Variants in PALD1 observed in about 807,000 individuals in gnomAD.
The protein encoded by PALD1 is paladin.
A neutral mutation model predicts 96.0 loss-of-function variants in PALD1; 57 were observed. The observed-to-expected ratio is 0.59, with a 90% CI of 0.48 to 0.74. The LOEUF is 0.74. Among genes scored for constraint, PALD1 ranks in the 30% least tolerant of loss-of-function variants. The pLI, the probability that PALD1 is intolerant of heterozygous loss-of-function variation, is 0.00. For synonymous variants in PALD1, 464 were observed against 473.6 expected (o/e 0.98, Z 0.26); for missense variants, 1,063 against 1,143.7 (o/e 0.93, Z 1.02).
chr10:70,547,160 C>G (rs1015148439), intron 17 of PALD1, 146 bp from the exon 18 acceptor site: 3 of 714,926 alleles, frequency 4.2e-6, no homozygotes, highest in African/African-American at 3.5e-5. Flanking sequence ...CTCCCTCAGT[C>G]TGAGAACTGA....
rs1290552179 is a variant in PALD1, at chr10:70,547,341, G to A, written c.2157G>A (p.Gly719=). 2 of 1,613,300 alleles carry A rather than the reference G, an allele frequency of 1.2e-6. No individual in the cohort carries two copies. The highest frequency in any genetic ancestry group is 1.7e-5 in the Admixed American group (1 of 60,010). ...AGGTGGTGCAGCTGCTACCCGATGG[G>A]CACCGTGTGAAGAAGGAGGTGGACG... ...VMKVVQLLPD[G]HRVKKEVDAA... is the part of the protein sequence containing the mutation. Residue 719 remains glycine, a synonymous_variant, in exon 18 of 20, where the codon GGG becomes GGA. Coordinates refer to ENST00000263563, the MANE Select transcript of PALD1 (RefSeq NM_014431.3).
chr10:70,483,698 A>G (rs1186253004), intron 1 of PALD1, among the ~76,000 whole-genome samples: 1 of 152,188 alleles, frequency 6.6e-6, no homozygotes, highest in Non-Finnish European at 1.5e-5. Flanking sequence ...GAGGCCTGGG[A>G]CGCTGGGACA....
intron 18 of PALD1, among the ~76,000 whole-genome samples, chr10:70,549,425 A>G (rs1847433666): frequency 6.6e-6 from 1 of 152,210 alleles, no homozygotes; most frequent in African/African-American, 2.4e-5. Flanking sequence ...CCTGAAGCTG[A>G]TAGGCCCCCC....
chr10:70,495,243 A>G (rs946339410), intron 1 of PALD1, among the ~76,000 whole-genome samples: 2 of 152,106 alleles, frequency 1.3e-5, no homozygotes, highest in Non-Finnish European at 2.9e-5. Context: ...TTCCTTCCCT[A>G]TCTTTCTCAT....
chr10:70,542,748 G>A (rs910860392), intron 17 of PALD1, among the ~76,000 whole-genome samples: 3 of 152,152 alleles, frequency 2.0e-5, no homozygotes, highest in Admixed American at 1.3e-4. Flanking sequence ...CATAGTGCAC[G>A]TAGCTGAGTC....
intron 18 of PALD1, among the ~76,000 whole-genome samples, chr10:70,550,696 C>A (rs1170536332): frequency 6.6e-6 from 1 of 152,188 alleles, no homozygotes; most frequent in Non-Finnish European, 1.5e-5. Flanking sequence ...CATGGTCTGG[C>A]CATTTCGTAT....
Position 70,539,086 on chromosome 10 carries a change from GC to G in PALD1, c.1570-3del. The G allele has an allele frequency of 6.2e-7, 1 of 1,613,832 alleles. No individual in the cohort carries two copies. The highest frequency in any genetic ancestry group is 8.5e-7 in the Non-Finnish European group (1 of 1,179,870). Reference sequence around the variant, plus strand: ...GAGCACTCACTGCCGGCCCTCCTGTGCCCAGGCCCTGGGGAGCATCCTGGCC... The same window carrying G: ...GAGCACTCACTGCCGGCCCTCCTGTGCCAGGCCCTGGGGAGCATCCTGGCC... On this transcript the variant is annotated splice_polypyrimidine_tract_variant and splice_region_variant and intron_variant, in intron 13 of 19. Transcript: ENST00000263563. This position sits in a 1 kb window ranked among gnomAD's most constrained non-coding sequence, Gnocchi z 4.5.
At position 70,540,536 on chromosome 10, in the gene PALD1, G is replaced by A. The variant is rs73270898; in HGVS notation, c.1909-566G>A. ...TGGCGTGTGTTGTAGGTGAGCCACCGTGTGCGTGGTGCGTGTGTTGTAGGT... is the reference window on the plus strand; with the variant it reads ...TGGCGTGTGTTGTAGGTGAGCCACCATGTGCGTGGTGCGTGTGTTGTAGGT... On this transcript the variant is annotated intron_variant, in intron 15 of 19. Transcript: ENST00000263563. The surrounding 1 kb of genome is among the most constrained non-coding windows in gnomAD (Gnocchi z 4.2). Among the ~76,000 whole-genome samples, 553 of 152,074 alleles carry A rather than the reference G, an allele frequency of 3.6e-3. 5 individuals carry two copies. Among genetic ancestry groups the A allele is most frequent in the African/African-American group, 0.012 (513 of 41,448 alleles).
intron 1 of PALD1, among the ~76,000 whole-genome samples, chr10:70,521,849 G>A (rs10999371): frequency 6.7e-6 from 1 of 149,844 alleles, no homozygotes; most frequent in Admixed American, 6.7e-5. Context: ...CTTTTTTTTT[G>A]TGCCAAGGAC....
intron 1 of PALD1, among the ~76,000 whole-genome samples, chr10:70,507,400 G>A (rs79783110): frequency 0.17 from 25,839 of 152,076 alleles, 2,829 homozygotes; most frequent in East Asian, 0.29. Context: ...CTACAAGAGC[G>A]AAACTCTGTC....
chr10:70,519,373 T>C (rs1180401059), intron 1 of PALD1, among the ~76,000 whole-genome samples: 1 of 152,192 alleles, frequency 6.6e-6, no homozygotes, highest in Non-Finnish European at 1.5e-5. Flanking sequence ...ATTCATTATC[T>C]GATACAGGCC....
At chr10:70,497,789 A>T (rs915304845) in intron 1 of PALD1, among the ~76,000 whole-genome samples, 1 of 151,908 alleles carries the variant, frequency 6.6e-6, no homozygotes, top group Non-Finnish European at 1.5e-5. Context: ...GTTAACCAGG[A>T]TGGTCTTGAT....
upstream of PALD1, among the ~76,000 whole-genome samples, chr10:70,476,904 TGTA>T (rs1377948436): frequency 0.026 from 2 of 78 alleles, no homozygotes; most frequent in South Asian, 0.25. Flanking sequence ...TTTGTATGTG[TGTA>T]TTATGTGCAT....
In PALD1 at chr10:70,541,102, G is replaced by A. The variant is rs762730349; in HGVS notation, c.1909G>A (p.Asp637Asn). The A allele has an allele frequency of 2.5e-6, 4 of 1,597,776 alleles. No individual in the cohort carries two copies. The highest frequency in any genetic ancestry group is 2.3e-5 in the South Asian group (2 of 88,856). ...CCCAGACCTTGCTTTTCTCGTCCAG[G>A]ACTTTGACCAGCTGCTGGAGGCCCT... ...MPDFCAPREE[D>N]FDQLLEALRA... The change falls in exon 16 of 20, where the codon GAC (aspartate) becomes AAC (asparagine). Residue 637 changes from aspartate to asparagine, a missense_variant and splice_region_variant. Coordinates refer to ENST00000263563, the MANE Select transcript of PALD1 (RefSeq NM_014431.3).
At chr10:70,522,231 C>T (rs929528373) in intron 1 of PALD1, among the ~76,000 whole-genome samples, 2 of 152,158 alleles carry the variant, frequency 1.3e-5, no homozygotes, top group Non-Finnish European at 2.9e-5. Context: ...TTGCAAATCC[C>T]ACTTTGCAAA....
intron 18 of PALD1, among the ~76,000 whole-genome samples, chr10:70,556,249 G>A (rs559102591): frequency 1.3e-4 from 20 of 149,218 alleles, no homozygotes; most frequent in South Asian, 8.5e-4. Flanking sequence ...GCTTTTGTGT[G>A]TGTAGGGCAC....
At chr10:70,566,557 C>T (rs1184443460) in intron 19 of PALD1, 24 bp from the exon 20 acceptor site, 2 of 1,583,858 alleles carry the variant, frequency 1.3e-6, no homozygotes, top group African/African-American at 1.3e-5. Context: ...TGAAACACTG[C>T]TCCTGCCTCT....
At chr10:70,466,023 C>G in the PALD1 span, among the ~76,000 whole-genome samples, 2 of 152,138 alleles carry the variant, frequency 1.3e-5, no homozygotes, top group Non-Finnish European at 2.9e-5. Flanking sequence ...TGCCCCAGGG[C>G]TGTCACCGGG....
In PALD1 at chr10:70,539,995, A is replaced by G. The variant is rs183994829; in HGVS notation, c.1908+233A>G. Among the ~76,000 whole-genome samples the G allele has an allele frequency of 1.2e-4, 18 of 152,114 alleles. No homozygotes were observed. The highest frequency in any genetic ancestry group is 2.2e-4 in the Non-Finnish European group (15 of 67,978). The stretch of plus-strand genomic sequence containing the variant: ...ATAGGGTATATGTGTGTGTATTGTT[A>G]TAGGTGTGTGTGTATTGGAGTGTGT... On this transcript the variant is annotated intron_variant, in intron 15 of 19. Transcript: ENST00000263563. This position sits in a 1 kb window ranked among gnomAD's most constrained non-coding sequence, Gnocchi z 4.5.
Sources: allele counts gnomAD v4.1 joint callset (sites outside exome capture counted in the v4.1 genomes callset), GRCh38; gene constraint gnomAD v4.1.1; non-coding constraint Gnocchi (gnomAD v3.1); transcripts MANE v1.5; gene names NCBI Gene and HGNC (gene_info 2026-07-23, HGNC 2026-07-21).